CASD1: variants seen among roughly 807,000 people sequenced by gnomAD.
The protein encoded by CASD1 is CAS1 domain sialic acid O acetyltransferase 1.
Under a neutral mutation model 100.0 loss-of-function variants are expected in CASD1, and 41 were observed. That is an observed-to-expected ratio of 0.41 (90% confidence interval 0.32 to 0.53). The LOEUF (loss-of-function observed/expected upper bound fraction) is 0.53. Ranked by LOEUF, CASD1 falls within the 20% of genes least tolerant of loss-of-function variation. The pLI is 0.25. For synonymous variants in CASD1, 321 were observed against 315.6 expected, an observed-to-expected ratio of 1.02 and a Z score of -0.18; for missense variants, 774 against 948.7, an observed-to-expected ratio of 0.82 and a Z score of 2.42.
the CASD1 span, chr7:94,628,903 A>C: frequency 6.4e-6 from 1 of 157,002 alleles, no homozygotes; most frequent in Admixed American, 6.3e-5. Flanking sequence ...ATCATTTATT[A>C]GCACATCCTG....
chr7:94,566,368 CAAAA>C, the CASD1 span, among the ~76,000 whole-genome samples: 1 of 150,410 alleles, frequency 6.6e-6, no homozygotes, highest in Non-Finnish European at 1.5e-5. Flanking sequence ...AGCATATAAA[CAAAA>C]GAAAGCAAAA....
the CASD1 span, among the ~76,000 whole-genome samples, chr7:94,581,219 G>A: frequency 6.6e-6 from 1 of 152,158 alleles, no homozygotes; most frequent in Admixed American, 6.5e-5. Flanking sequence ...AGAACATATC[G>A]TCAAGTCTCT....
At chr7:94,545,403 A>C in intron 11 of CASD1, 142 bp from the exon 12 acceptor site, 1 of 518,560 alleles carries the variant, frequency 1.9e-6, no homozygotes, top group Non-Finnish European at 3.5e-6. Context: ...AATTTAAGGG[A>C]TTAGTAATAT....
At chr7:94,555,450 G>A (rs1404311692) in intron 17 of CASD1, 42 bp from the exon 18 acceptor site, 4 of 1,570,982 alleles carry the variant, frequency 2.5e-6, no homozygotes, top group African/African-American at 1.4e-5. Flanking sequence ...ATTTATTCAT[G>A]GACCCTCTAT....
intron 5 of CASD1, among the ~76,000 whole-genome samples, chr7:94,530,532 G>A (rs1029156473): frequency 2.2e-4 from 33 of 152,122 alleles, no homozygotes; most frequent in African/African-American, 7.7e-4. Flanking sequence ...AAATAAGTAC[G>A]TTGAATTGAA....
At chr7:94,600,674 A>G in the CASD1 span, 1 of 1,613,746 alleles carries the variant, frequency 6.2e-7, no homozygotes, top group Non-Finnish European at 8.5e-7. Flanking sequence ...CACATGATAT[A>G]AGCAAGTATT....
chr7:94,559,524 C>CTTTTG (rs1056740979), downstream of CASD1, among the ~76,000 whole-genome samples: 7 of 151,996 alleles, frequency 4.6e-5, no homozygotes, highest in East Asian at 5.8e-4. Context: ...AATTGTTTTG[C>CTTTTG]TTTTGTTTTG....
the CASD1 span, among the ~76,000 whole-genome samples, chr7:94,616,629 G>C: frequency 6.6e-6 from 1 of 152,074 alleles, no homozygotes; most frequent in Non-Finnish European, 1.5e-5. Context: ...AGGAAATAAA[G>C]TATTAGTTAA....
At chr7:94,542,800 A>G (rs141091932) in intron 10 of CASD1, among the ~76,000 whole-genome samples, 3 of 152,300 alleles carry the variant, frequency 2.0e-5, no homozygotes, top group Admixed American at 2.0e-4. Context: ...TTTGGATTAG[A>G]TAAATTCTGA....
At chr7:94,511,699 TAG>T (rs965430572) in intron 1 of CASD1, among the ~76,000 whole-genome samples, 10 of 152,356 alleles carry the variant, frequency 6.6e-5, no homozygotes, top group African/African-American at 2.2e-4. Context: ...GTAATGGTAG[TAG>T]AGAGAAATTT....
At chr7:94,568,329 A>T in the CASD1 span, among the ~76,000 whole-genome samples, 1 of 152,164 alleles carries the variant, frequency 6.6e-6, no homozygotes, top group Non-Finnish European at 1.5e-5. Context: ...TTGTCATTTT[A>T]AACAAAATTA....
At chr7:94,561,291 T>C (rs531347009), downstream of CASD1, among the ~76,000 whole-genome samples, 9 of 152,300 alleles carry the variant, frequency 5.9e-5, no homozygotes, top group South Asian at 1.4e-3. Context: ...TCTTATAGTT[T>C]AGAAACACCA....
At chr7:94,603,331 AT>A in the CASD1 span, 2 of 1,612,818 alleles carry the variant, frequency 1.2e-6, no homozygotes, top group Non-Finnish European at 1.7e-6. Flanking sequence ...TGAGTACGAA[AT>A]TTTTTATCAC....
At chr7:94,614,106 T>TAAAAAAAA in the CASD1 span, among the ~76,000 whole-genome samples, 3 of 55,148 alleles carry the variant, frequency 5.4e-5, no homozygotes, top group Admixed American at 1.7e-4. Context: ...CAAATTGAAA[T>TAAAAAAAA]CAAAAAAAAA....
the CASD1 span, chr7:94,588,876 C>T: frequency 4.8e-6 from 4 of 841,346 alleles, 1 homozygote; most frequent in South Asian, 4.4e-5. Flanking sequence ...CTTTCATGAG[C>T]TTACAGATGA....
the CASD1 span, among the ~76,000 whole-genome samples, chr7:94,602,091 C>G: frequency 6.6e-6 from 1 of 152,058 alleles, no homozygotes; most frequent in African/African-American, 2.4e-5. Context: ...AACATAAACT[C>G]ATTTTCCAGA....
At chr7:94,602,108 A>G in the CASD1 span, among the ~76,000 whole-genome samples, 92 of 152,234 alleles carry the variant, frequency 6.0e-4, no homozygotes, top group Middle Eastern at 3.4e-3. Context: ...CAGAACAACC[A>G]CAAGTAAAAT....
the CASD1 span, among the ~76,000 whole-genome samples, chr7:94,614,005 C>T: frequency 6.7e-6 from 1 of 150,280 alleles, no homozygotes; most frequent in Non-Finnish European, 1.5e-5. Flanking sequence ...GAAAAAGTCA[C>T]CAGAAATTAG....
the CASD1 span, among the ~76,000 whole-genome samples, chr7:94,570,521 G>T: frequency 6.6e-6 from 1 of 151,972 alleles, no homozygotes. Context: ...GGGGGATGGA[G>T]TCTCCCTCTG....
Sources: gnomAD v4.1 joint callset for allele counts (sites outside exome capture counted in the v4.1 genomes callset) on GRCh38, gnomAD v4.1.1 for gene constraint, MANE v1.5 for transcripts, NCBI Gene and HGNC (gene_info 2026-07-23, HGNC 2026-07-21) for gene names.